The following ZNF841 variants were observed in gnomAD, a reference collection of about 807,000 sequenced individuals.
The protein encoded by ZNF841 is zinc finger protein 841.
A neutral mutation model predicts 13.0 loss-of-function variants in ZNF841; 11 were observed. The observed-to-expected ratio is 0.85, with a 90% CI of 0.53 to 1.40. The LOEUF (loss-of-function observed/expected upper bound fraction) is 1.40, where lower values mean the gene tolerates loss of function less well. ZNF841 is among the 40% of genes most tolerant of loss of function. The pLI, the probability that ZNF841 is intolerant of heterozygous loss-of-function variation, is 0.00. For missense variants in ZNF841, 1,068 were observed against 1,139.5 expected, an observed-to-expected ratio of 0.94 and a Z score of 0.90; for synonymous variants, 369 against 381.6, an observed-to-expected ratio of 0.97 and a Z score of 0.38.
chr19:52,059,390 TACACACAC>T, the ZNF841 span, among the ~76,000 whole-genome samples: 1 of 96,388 alleles, frequency 1.0e-5, no homozygotes, highest in African/African-American at 4.2e-5. Flanking sequence ...TATATATATA[TACACACAC>T]ACACACACAC....
At chr19:52,068,746 A>G (rs1356422509) in intron 6 of ZNF841, among the ~76,000 whole-genome samples, 2 of 151,808 alleles carry the variant, frequency 1.3e-5, no homozygotes, top group African/African-American at 4.8e-5. Context: ...CAAGGTGGGC[A>G]GATCACTTGA....
At chr19:52,092,721 C>T (rs1270241759) in intron 2 of ZNF841, among the ~76,000 whole-genome samples, 1 of 152,194 alleles carries the variant, frequency 6.6e-6, no homozygotes, top group Non-Finnish European at 1.5e-5. Context: ...GCTGTAATCC[C>T]AGCACTCTGA....
At chr19:52,092,562 C>A (rs930287220) in intron 2 of ZNF841, among the ~76,000 whole-genome samples, 3 of 152,114 alleles carry the variant, frequency 2.0e-5, no homozygotes, top group Non-Finnish European at 4.4e-5. Context: ...TCAGTACAGC[C>A]ATTATGAAAA....
rs1254267312 is a variant in ZNF841 at position 52,095,573 on chromosome 19, A to C, written c.-270+2T>G. On this transcript the variant is annotated splice_donor_variant, in intron 1 of 6. Transcript: ENST00000594440. LOFTEE classifies it low-confidence loss of function (5UTR_SPLICE). ...CGAAAGGGAAGCAATTCTCCTACTT[A>C]CTTGGGACGAAGGGGCTGTTGCGGG... 1 of 152,416 alleles carries C rather than the reference A, an allele frequency of 6.6e-6. No individual in the cohort carries two copies. Among genetic ancestry groups the C allele is most frequent in the African/African-American group, 2.4e-5 (1 of 41,458 alleles). The allele number at this position is 152,416 out of a possible 1,614,324, so 9.4% of individuals were successfully genotyped here.
At chr19:52,076,446 T>C (rs2087903891) in intron 5 of ZNF841, 1 of 344,596 alleles carries the variant, frequency 2.9e-6, no homozygotes, top group Admixed American at 3.9e-5. Context: ...GAAGATGACT[T>C]GAGCACAGGA....
In ZNF841 at chr19:52,065,035, G is replaced by A; in HGVS notation, c.*72C>T. On this transcript the variant is annotated 3_prime_UTR_variant, in exon 7 of 7. Transcript: ENST00000594440. ...CCACTAGGCTCCACCTCCAATACTG[G>A]AGATTACTACAATTCCACATGAGAC... 2 of 1,330,648 alleles carry A rather than the reference G, an allele frequency of 1.5e-6. No individual in the cohort carries two copies. The highest frequency in any genetic ancestry group is 2.6e-5 in the East Asian group (1 of 38,654). 82.4% of individuals were successfully genotyped at this position (1,330,648 alleles called of 1,614,324 possible). A position where few individuals can be genotyped will look rare whatever the true frequency, so the allele number is the denominator to read the frequency against.
At chr19:52,090,654 G>GAAAGAAAGAAAGAAA (rs1568549587) in intron 2 of ZNF841, among the ~76,000 whole-genome samples, 48 of 84,642 alleles carry the variant, frequency 5.7e-4, no homozygotes, top group Non-Finnish European at 6.9e-4. Context: ...AAGGAAGGAA[G>GAAAGAAAGAAAGAAA]GAAAGAAAGA....
chr19:52,063,200 G>A (rs1012422649), downstream of ZNF841, among the ~76,000 whole-genome samples: 6 of 151,834 alleles, frequency 4.0e-5, no homozygotes, highest in African/African-American at 1.2e-4. Context: ...ATTTTACCAC[G>A]TTAATTACAT....
At position 52,064,947 on chromosome 19, in the gene ZNF841, C is replaced by T; in HGVS notation, c.*160G>A. On this transcript the variant is annotated 3_prime_UTR_variant, in exon 7 of 7. Coordinates refer to ENST00000594440, the MANE Select transcript of ZNF841 (RefSeq NM_001136499.2). Reference sequence around the variant, plus strand: ...GACCTCATGAGAACTATCACAAGGACAGCAACAAGGGGATGGTACTAAAAC... The same window carrying T: ...GACCTCATGAGAACTATCACAAGGATAGCAACAAGGGGATGGTACTAAAAC... 2 of 564,966 alleles carry T rather than the reference C, an allele frequency of 3.5e-6. No homozygotes were observed. Among genetic ancestry groups the T allele is most frequent in the South Asian group, 6.7e-5 (2 of 29,780 alleles). 35.0% of individuals were successfully genotyped at this position (564,966 alleles called of 1,614,324 possible). A position where few individuals can be genotyped will look rare whatever the true frequency, so the allele number is the denominator to read the frequency against.
At position 52,066,914 on chromosome 19, in the gene ZNF841, C is replaced by T. The variant is rs1164198734; in HGVS notation, c.968G>A (p.Gly323Asp). The T allele has an allele frequency of 3.1e-6, 5 of 1,614,152 alleles. No homozygotes were observed. Among genetic ancestry groups the T allele is most frequent in the Non-Finnish European group, 4.2e-6 (5 of 1,180,022 alleles). The stretch of plus-strand genomic sequence containing the variant: ...ATCTGAATTTTGTCTGAAGATCCTG[C>T]CACATACATCACATTGGTATGGTTT... Reference protein sequence around the residue: ...RGKPYQCDVCGRIFRQNSDLV... With the variant: ...RGKPYQCDVCDRIFRQNSDLV... Residue 323 changes from glycine to aspartate, a missense_variant, in exon 7 of 7, where the codon GGC (glycine) becomes GAC (aspartate). By Grantham distance (94) the Gly-to-Asp change is moderately conservative (BLOSUM62 -1). Coordinates refer to ENST00000594440, the MANE Select transcript of ZNF841 (RefSeq NM_001136499.2).
In ZNF841 at chr19:52,093,893, AG is replaced by A. The variant is rs1383800691; in HGVS notation, c.-192del. 3 of 152,182 alleles carry A rather than the reference AG, an allele frequency of 2.0e-5. No individual in the cohort carries two copies. The highest frequency in any genetic ancestry group is 2.9e-5 in the Non-Finnish European group (2 of 68,048). The allele number at this position is 152,182 out of a possible 1,614,324, so 9.4% of individuals were successfully genotyped here. On this transcript the variant is annotated 5_prime_UTR_variant, in exon 2 of 7. It introduces an in-frame stop codon into an upstream open reading frame of the 5' UTR. Coordinates refer to ENST00000594440, the MANE Select transcript of ZNF841 (RefSeq NM_001136499.2). ...TCACATCTGTAATTCCAGTGCGTTG[AG>A]AGGCTGAGGTGGAAAGACTGCTTGA...
chr19:52,093,763 T>G (rs2123402797), intron 2 of ZNF841, 83 bp downstream of exon 2: 2 of 152,222 alleles, frequency 1.3e-5, no homozygotes, highest in Middle Eastern at 6.8e-3. Flanking sequence ...AAATAACAAT[T>G]AATTAACTGT....
rs1056827346 is a variant in ZNF841 at position 52,075,934 on chromosome 19, T to C, written c.271+110A>G. On this transcript the variant is annotated intron_variant, in intron 6 of 6. Transcript: ENST00000594440. Reference sequence around the variant, plus strand: ...GATAAGCAGGAAAGAAGAAAACTTCTGGAGCTCACAGAAAATCAAATTTGT... The same window carrying C: ...GATAAGCAGGAAAGAAGAAAACTTCCGGAGCTCACAGAAAATCAAATTTGT... 8.0e-5 allele frequency: 113 copies of C among 1,406,936 alleles called. No homozygotes were observed. In the Admixed American group the frequency reaches 1.0e-3, roughly 13 times the overall value. The allele number at this position is 1,406,936 out of a possible 1,614,324, so 87.2% of individuals were successfully genotyped here. A position where few individuals can be genotyped will look rare whatever the true frequency, so the allele number is the denominator to read the frequency against.
chr19:52,076,125 TC>T lies in ZNF841; in HGVS notation c.189del (p.Glu65SerfsTer6). 1 of 1,557,190 alleles carries T rather than the reference TC, an allele frequency of 6.4e-7. No homozygotes were observed. Among genetic ancestry groups the T allele is most frequent in the South Asian group, 1.2e-5 (1 of 84,444 alleles). On this transcript the variant is annotated frameshift_variant, in exon 6 of 7. Coordinates refer to ENST00000594440, the MANE Select transcript of ZNF841 (RefSeq NM_001136499.2). LOFTEE classifies it high-confidence loss of function. ...DLNIISMLEQ[G>X]KEPWTVVSQV... Reference sequence around the variant, plus strand: ...TGGCTCACCACAGTCCAGGGCTCTTTCCCTTGCTCCAACATGGAGATAATAT... The same window carrying T: ...TGGCTCACCACAGTCCAGGGCTCTTTCCTTGCTCCAACATGGAGATAATAT...
downstream of ZNF841, chr19:52,064,352 C>CAAAAAAAAAAAAAAAAAAAAAAAAA (rs1568532352): frequency 6.1e-5 from 3 of 48,978 alleles, no homozygotes; most frequent in Non-Finnish European, 8.8e-5. Flanking sequence ...GACTCCGTCT[C>CAAAAAAAAAAAAAAAAAAAAAAAAA]CAAAAAAAAA....
chr19:52,059,372 T>C, the ZNF841 span, among the ~76,000 whole-genome samples: 1 of 69,894 alleles, frequency 1.4e-5, no homozygotes, highest in Non-Finnish European at 2.6e-5. Flanking sequence ...AAAAAAAAAA[T>C]ATATATATAT....
chr19:52,059,370 AAT>A, the ZNF841 span, among the ~76,000 whole-genome samples: 1,861 of 69,582 alleles, frequency 0.027, 47 homozygotes, highest in Non-Finnish European at 0.034. Context: ...AAAAAAAAAA[AAT>A]ATATATATAT....
chr19:52,075,217 A>G (rs540328387), intron 6 of ZNF841, among the ~76,000 whole-genome samples: 2 of 152,212 alleles, frequency 1.3e-5, no homozygotes, highest in Non-Finnish European at 2.9e-5. Context: ...TCACACAAAC[A>G]TAAAAGAGAA....
chr19:52,070,198 G>C (rs1488666832), intron 6 of ZNF841, among the ~76,000 whole-genome samples: 1 of 152,178 alleles, frequency 6.6e-6, no homozygotes. Context: ...CAAGAGTGTA[G>C]AAATACTTCA....
Sources: gnomAD v4.1 joint callset for allele counts (sites outside exome capture counted in the v4.1 genomes callset) on GRCh38, gnomAD v4.1.1 for gene constraint, MANE v1.5 for transcripts, NCBI Gene and HGNC (gene_info 2026-07-23, HGNC 2026-07-21) for gene names.